RELN: variants seen among roughly 807,000 people sequenced by gnomAD.
RELN encodes the protein reelin.
Under a neutral mutation model 427.6 loss-of-function variants are expected in RELN, and 108 were observed. That is an observed-to-expected ratio of 0.25 (90% CI 0.22 to 0.30). The LOEUF (loss-of-function observed/expected upper bound fraction) is 0.30. Among genes scored for constraint, RELN ranks in the 10% least tolerant of loss-of-function variants. The pLI is 1.00. For synonymous variants in RELN, 1,524 were observed against 1,513.4 expected, an observed-to-expected ratio of 1.01 and a Z score of -0.16; for missense variants, 3,715 against 4,302.8, an observed-to-expected ratio of 0.86 and a Z score of 3.82.
intron 3 of RELN, among the ~76,000 whole-genome samples, chr7:103,818,082 T>A (rs1479304616): frequency 1.3e-5 from 2 of 151,846 alleles, no homozygotes; most frequent in Non-Finnish European, 2.9e-5. Context: ...ACTTACATTA[T>A]CTTATGACAC....
intron 6 of RELN, among the ~76,000 whole-genome samples, chr7:103,737,183 T>C (rs1272017544): frequency 6.6e-6 from 1 of 151,990 alleles, no homozygotes; most frequent in Non-Finnish European, 1.5e-5. Context: ...TCAGAGAAAA[T>C]ATTTATTGTG....
At chr7:103,522,838 G>GAC (rs57364287) in intron 47 of RELN, among the ~76,000 whole-genome samples, 10 of 149,708 alleles carry the variant, frequency 6.7e-5, no homozygotes, top group African/African-American at 2.2e-4. Flanking sequence ...CAGACACACA[G>GAC]ACACACACAC....
chr7:103,667,736 T>A (rs1833301492), intron 11 of RELN, among the ~76,000 whole-genome samples: 1 of 152,220 alleles, frequency 6.6e-6, no homozygotes, highest in Admixed American at 6.5e-5. Flanking sequence ...AAATGTTTAA[T>A]CATTCTAGTT....
chr7:103,495,282 A>G (rs1208965614), intron 57 of RELN, among the ~76,000 whole-genome samples: 2 of 150,892 alleles, frequency 1.3e-5, no homozygotes, highest in African/African-American at 4.9e-5. Context: ...CAGCCTCCCA[A>G]GTAGCTGGGA....
In RELN at chr7:103,503,178, A is replaced by C. The variant is rs1362352910; in HGVS notation, c.8327T>G (p.Val2776Gly). 8 of 1,614,110 alleles carry C rather than the reference A, an allele frequency of 5.0e-6. No homozygotes were observed. Among genetic ancestry groups the C allele is most frequent in the South Asian group, 1.1e-5 (1 of 91,086 alleles). ...SEKIAQNQIH[V>G]QYSTDFGVSW... ...CACACCGAAGTCAGTAGAATACTGC[A>C]CATGAATTTGATTCTGGGCAATTTT... Residue 2776 changes from valine (V) to glycine (G), a missense_variant, in exon 52 of 65, where the codon GTG becomes GGG. Val to Gly is a moderately radical substitution (Grantham distance 109). Around this residue, in one of 4 missense-constraint regions of RELN, gnomAD observed 1,310 missense variants for 1,643.0 expected, o/e 0.80. Transcript: ENST00000428762.
intron 2 of RELN, among the ~76,000 whole-genome samples, chr7:103,905,810 G>A (rs906261755): frequency 6.6e-6 from 1 of 152,152 alleles, no homozygotes; most frequent in Non-Finnish European, 1.5e-5. Context: ...GTGACTGGTG[G>A]AGGTCCGAGA....
At chr7:103,845,696 A>G (rs1793657430) in intron 2 of RELN, among the ~76,000 whole-genome samples, 1 of 152,168 alleles carries the variant, frequency 6.6e-6, no homozygotes, top group Non-Finnish European at 1.5e-5. Context: ...ATCAATGTGC[A>G]AAAATCACAA....
chr7:103,593,755 C>T lies in RELN; in HGVS notation c.3839G>A (p.Gly1280Glu), dbSNP rs55689103. The T allele has an allele frequency of 0.015, 23,540 of 1,613,988 alleles. 217 individuals are homozygous for T. Among genetic ancestry groups the T allele is most frequent in the Non-Finnish European group, 0.018 (20,716 of 1,179,930 alleles). Residue 1280 changes from glycine to glutamate, a missense_variant, in exon 27 of 65, where the codon GGA (glycine) becomes GAA (glutamate). Coordinates refer to ENST00000428762, the MANE Select transcript of RELN (RefSeq NM_005045.4). ...CAATPSAMIF[G>E]KSDGDRFAVT... is the part of the protein sequence containing the mutation. ...TGCAAATCGATCTCCATCTGATTTT[C>T]CAAATATCATTGCTGATGGTGTGGC...
chr7:103,778,395 C>G (rs1347774953), intron 3 of RELN, among the ~76,000 whole-genome samples: 1 of 152,184 alleles, frequency 6.6e-6, no homozygotes, highest in Admixed American at 6.5e-5. Flanking sequence ...CAAGAAAAGT[C>G]CTACGACAGG....
Position 103,629,957 on chromosome 7 carries a change from G to A in RELN, c.2685C>T (p.Gly895=), listed in dbSNP as rs1158847629. The A allele has an allele frequency of 6.2e-7, 1 of 1,607,892 alleles. No homozygotes were observed. The highest frequency in any genetic ancestry group is 1.3e-5 in the African/African-American group (1 of 74,766). The change falls in exon 20 of 65, where the codon GGC becomes GGT. Residue 895 remains glycine (G), a synonymous_variant. Transcript: ENST00000428762. The stretch of plus-strand genomic sequence containing the variant: ...ATCCTTACCAAAGGGTCCAGTCGTG[G>A]CCACAGTATGGCTGAACATTTCCAA... ...FYLGNVQPYC[G]HDWTLCFTGD...
chr7:103,724,591 G>A (rs1790158953), intron 7 of RELN, among the ~76,000 whole-genome samples: 1 of 152,172 alleles, frequency 6.6e-6, no homozygotes, highest in African/African-American at 2.4e-5. Context: ...TTCCACAGCT[G>A]TGACCTCTGC....
chr7:103,927,512 A>T (rs1795771747), intron 1 of RELN, among the ~76,000 whole-genome samples: 1 of 152,216 alleles, frequency 6.6e-6, no homozygotes, highest in African/African-American at 2.4e-5. Context: ...CCAAATAAGG[A>T]TATAACATAA....
chr7:103,723,010 T>C (rs1174864111), intron 8 of RELN, 130 bp downstream of exon 8: 1 of 664,178 alleles, frequency 1.5e-6, no homozygotes, highest in Non-Finnish European at 2.8e-6. Flanking sequence ...TGTTGTAGAT[T>C]ATTTACTGCA....
intron 11 of RELN, among the ~76,000 whole-genome samples, chr7:103,669,774 G>A (rs898855310): frequency 6.6e-6 from 1 of 151,934 alleles, no homozygotes; most frequent in African/African-American, 2.4e-5. Context: ...TATGTGAAGT[G>A]CATTTGAAGG....
chr7:103,823,686 A>T (rs899667311), intron 3 of RELN, among the ~76,000 whole-genome samples: 3 of 152,128 alleles, frequency 2.0e-5, no homozygotes, highest in Non-Finnish European at 4.4e-5. Context: ...TGTTATACAT[A>T]AATTTATTTG....
chr7:103,657,410 G>A (rs1253944044), intron 12 of RELN, among the ~76,000 whole-genome samples: 1 of 151,792 alleles, frequency 6.6e-6, no homozygotes, highest in Non-Finnish European at 1.5e-5. Flanking sequence ...ATACATATAA[G>A]GATATTTATA....
intron 1 of RELN, among the ~76,000 whole-genome samples, chr7:103,942,571 G>A (rs1260585464): frequency 3.9e-5 from 6 of 152,138 alleles, no homozygotes; most frequent in Admixed American, 3.9e-4. Flanking sequence ...GCAGAATGTG[G>A]GAATGGAAGA....
intron 1 of RELN, among the ~76,000 whole-genome samples, chr7:103,976,331 G>C (rs1190355670): frequency 3.9e-5 from 6 of 152,218 alleles, no homozygotes; most frequent in Non-Finnish European, 1.5e-5. Flanking sequence ...GACCAGAGGA[G>C]TGGCATCGTC....
chr7:103,526,537 T>C (rs1312346265), intron 46 of RELN, among the ~76,000 whole-genome samples: 1 of 152,226 alleles, frequency 6.6e-6, no homozygotes, highest in Middle Eastern at 3.2e-3. Context: ...CTAGTAATTA[T>C]GTACCCATCA....
Sources: gnomAD v4.1 joint callset for allele counts (sites outside exome capture counted in the v4.1 genomes callset) on GRCh38, gnomAD v4.1.1 for gene constraint, gnomAD v4.1.1 regional missense constraint, MANE v1.5 for transcripts, NCBI Gene and HGNC (gene_info 2026-07-23, HGNC 2026-07-21) for gene names.